MAP7D3: variants seen among roughly 807,000 people sequenced by gnomAD.
MAP7D3 encodes the protein MAP7 domain-containing protein 3.
In MAP7D3, 45 loss-of-function variants were observed where a neutral mutation model predicts 62.2. That is an observed-to-expected ratio of 0.72 (90% CI 0.57 to 0.93). MAP7D3 has a LOEUF of 0.93. Ranked by LOEUF, MAP7D3 falls within the 40% of genes least tolerant of loss-of-function variation. The pLI, the probability that MAP7D3 is intolerant of heterozygous loss-of-function variation, is 0.00. For missense variants in MAP7D3, 711 were observed against 683.1 expected (o/e 1.04, Z -0.45); for synonymous variants, 288 against 248.8 (o/e 1.16, Z -1.48).
chrX:136,229,938 C>A (rs773360591), intron 10 of MAP7D3, among the ~76,000 whole-genome samples: 1 of 92,035 alleles, frequency 1.1e-5, no homozygotes, highest in African/African-American at 4.0e-5. Context: ...CTTTCCACAT[C>A]GGGCTAATTT....
chrX:136,250,970 G>C (rs2074500898), intron 1 of MAP7D3, among the ~76,000 whole-genome samples: 2 of 111,518 alleles, frequency 1.8e-5, no homozygotes, highest in African/African-American at 6.5e-5. Flanking sequence ...AGCCGCCCCC[G>C]CCCCGCCCGT....
chrX:136,241,552 C>T (rs2074390151), intron 4 of MAP7D3, among the ~76,000 whole-genome samples: 2 of 111,744 alleles, frequency 1.8e-5, no homozygotes, highest in African/African-American at 6.5e-5. Flanking sequence ...CTCTTTCTAG[C>T]AACTGTACAA....
intron 4 of MAP7D3, among the ~76,000 whole-genome samples, chrX:136,243,478 G>A (rs1221048218): frequency 1.8e-5 from 2 of 111,815 alleles, no homozygotes; most frequent in Non-Finnish European, 3.8e-5. Flanking sequence ...GCCAAGGAGG[G>A]TGGATCACGA....
At chrX:136,220,580 CATGGGG>C (rs2074114707) in intron 16 of MAP7D3, among the ~76,000 whole-genome samples, 179 bp downstream of exon 16, 2 of 112,362 alleles carry the variant, frequency 1.8e-5, no homozygotes, top group Admixed American at 1.9e-4. Flanking sequence ...TGTCTTTATA[CATGGGG>C]ATGATGATCC....
chrX:136,230,536 T>A lies in MAP7D3; in HGVS notation c.1599A>T (p.Ser533=). The part of the protein sequence containing the change: ...PSPLPLISKQ[S]PQTSFPYKIM... ...TTTTATAAGGAAAAGAAGTCTGTGG[T>A]GACTGTTTTGAAATAAGTGGTAATG... The change falls in exon 10 of 19, where the codon TCA becomes TCT. Residue 533 remains serine, a synonymous_variant. Coordinates refer to ENST00000316077, the MANE Select transcript of MAP7D3 (RefSeq NM_024597.4). 3 of 1,204,224 alleles carry A rather than the reference T, an allele frequency of 2.5e-6. No homozygotes were observed. The highest frequency in any genetic ancestry group is 3.4e-6 in the Non-Finnish European group (3 of 888,700).
rs900537840 is a variant in MAP7D3, at chrX:136,229,465, T to C, written c.1751-707A>G. ...AAGAGCAAAATTCCCCAGTGTGTTT[T>C]TGAAATTAAGTAATGTCCATGGGTA... On this transcript the variant is annotated intron_variant, in intron 10 of 18. Coordinates refer to ENST00000316077, the MANE Select transcript of MAP7D3 (RefSeq NM_024597.4). Among the ~76,000 whole-genome samples, 4 of 111,834 alleles carry C rather than the reference T, an allele frequency of 3.6e-5. No homozygotes were observed. The East Asian group carries it at 8.4e-4, about 23-fold the overall frequency.
rs976782251 is a variant in MAP7D3, at chrX:136,244,722, T to C, written c.327A>G (p.Arg109=). 4.2e-6 allele frequency: 5 copies of C among 1,203,826 alleles called. No homozygotes were observed. In the African/African-American group the frequency reaches 5.2e-5, roughly 13 times the overall value. The change falls in exon 4 of 19, where the codon AGA becomes AGG. Residue 109 remains arginine (R), a synonymous_variant. Transcript: ENST00000316077. ...KLQYEKQMEE[R]QRKLKERKEK... Reference sequence around the variant, plus strand: ...CTTTTCGCTCCTTCAGCTTTCTCTGTCTTTCCTCCATCTGTTTTTCATATT... The same window carrying C: ...CTTTTCGCTCCTTCAGCTTTCTCTGCCTTTCCTCCATCTGTTTTTCATATT...
chrX:136,240,546 G>GAA, intron 5 of MAP7D3, 60 bp from the exon 6 acceptor site: 2 of 763,982 alleles, frequency 2.6e-6, no homozygotes, highest in Non-Finnish European at 3.9e-6. Flanking sequence ...ATCATTAACT[G>GAA]AAAAAAAAAT....
intron 14 of MAP7D3, 101 bp from the exon 15 acceptor site, chrX:136,222,587 T>A: frequency 1.5e-6 from 1 of 668,706 alleles, no homozygotes; most frequent in South Asian, 2.9e-5. Flanking sequence ...ATGGCTAATT[T>A]TTGTCATTTC....
chrX:136,249,916 T>C (rs1292853790), intron 1 of MAP7D3, among the ~76,000 whole-genome samples: 1 of 112,543 alleles, frequency 8.9e-6, no homozygotes, highest in Non-Finnish European at 1.9e-5. Flanking sequence ...TTCCAGTATC[T>C]GTCCCATATA....
At chrX:136,230,317 G>A (rs2074251396) in intron 10 of MAP7D3, 68 bp downstream of exon 10, 1 of 644,289 alleles carries the variant, frequency 1.6e-6, no homozygotes, top group African/African-American at 2.2e-5. Context: ...AAAATGAAGT[G>A]AACCTTTCCC....
intron 13 of MAP7D3, 71 bp from the exon 14 acceptor site, chrX:136,224,951 G>T: frequency 1.4e-6 from 1 of 704,435 alleles, no homozygotes; most frequent in African/African-American, 2.1e-5. Flanking sequence ...TAAAGGAGTT[G>T]ATTATCCCCA....
intron 6 of MAP7D3, among the ~76,000 whole-genome samples, chrX:136,238,449 GA>G (rs1432970025): frequency 1.2e-4 from 13 of 112,200 alleles, no homozygotes; most frequent in Admixed American, 7.5e-4. Flanking sequence ...ATATTAAAAT[GA>G]AAGTACATAA....
upstream of MAP7D3, among the ~76,000 whole-genome samples, chrX:136,253,552 A>C (rs2074534743): frequency 1.8e-5 from 2 of 112,378 alleles, no homozygotes; most frequent in Non-Finnish European, 3.8e-5. Context: ...CCTTGATTAC[A>C]ACCCTAATTT....
intron 7 of MAP7D3, 130 bp from the exon 8 acceptor site, chrX:136,232,350 C>A (rs2074282084): frequency 2.1e-6 from 1 of 476,380 alleles, no homozygotes; most frequent in Non-Finnish European, 3.5e-6. Context: ...GGATTACACA[C>A]AACACAGGAA....
intron 16 of MAP7D3, among the ~76,000 whole-genome samples, chrX:136,219,910 C>T (rs975432036): frequency 4.5e-5 from 5 of 111,216 alleles, no homozygotes; most frequent in Non-Finnish European, 5.7e-5. Context: ...CAGCTAAGCA[C>T]GCAGGACTCC....
At chrX:136,237,701 T>A (rs1308903923) in intron 6 of MAP7D3, among the ~76,000 whole-genome samples, 10 of 111,935 alleles carry the variant, frequency 8.9e-5, no homozygotes, top group Non-Finnish European at 1.9e-4. Flanking sequence ...AACTAATTAT[T>A]ATCTTGAAGT....
intron 8 of MAP7D3, 108 bp downstream of exon 8, chrX:136,231,436 T>G (rs1020405157): frequency 1.6e-6 from 1 of 624,213 alleles, no homozygotes; most frequent in African/African-American, 2.2e-5. Flanking sequence ...TTGCAGAATA[T>G]TGTAAATAAT....
Position 136,232,035 on chromosome X carries a change from G to T in MAP7D3, c.922C>A (p.Gln308Lys). 8.3e-7 allele frequency: 1 copy of T among 1,205,970 alleles called. No individual in the cohort carries two copies. The highest frequency in any genetic ancestry group is 1.1e-6 in the Non-Finnish European group (1 of 890,922). ...TTGCAGAATACTTCCACATTCACCTGGGGGGGTGCATCCACACTTGCCTTG... is the reference window on the plus strand; with the variant it reads ...TTGCAGAATACTTCCACATTCACCTTGGGGGGTGCATCCACACTTGCCTTG... Reference protein sequence around the residue: ...PPKASVDAPPQVNVEVFCNTS... With the variant: ...PPKASVDAPPKVNVEVFCNTS... Residue 308 changes from glutamine (Q) to lysine (K), a missense_variant, in exon 8 of 19, where the codon CAG (glutamine) becomes AAG (lysine). By Grantham distance (53) the Gln-to-Lys change is moderately conservative. Transcript: ENST00000316077.
Sources: gnomAD v4.1 joint callset for allele counts (sites outside exome capture counted in the v4.1 genomes callset) on GRCh38, gnomAD v4.1.1 for gene constraint, MANE v1.5 for transcripts, NCBI Gene and HGNC (gene_info 2026-07-23, HGNC 2026-07-21) for gene names.